Variants in RYR3 observed in about 807,000 individuals in gnomAD.
RYR3 encodes the protein ryanodine receptor 3.
Under a neutral mutation model 584.3 loss-of-function variants are expected in RYR3, and 207 were observed. That is an observed-to-expected ratio of 0.35 (90% CI 0.32 to 0.40). The LOEUF is 0.40. RYR3 is among the 10% of genes least tolerant of loss of function. RYR3 has a pLI of 1.00. For missense variants in RYR3, 5,616 were observed against 6,089.2 expected (o/e 0.92, Z 2.59); for synonymous variants, 2,416 against 2,248.5 (o/e 1.07, Z -2.11).
At chr15:33,340,624 C>T (rs752627189) in intron 1 of RYR3, among the ~76,000 whole-genome samples, 1 of 152,122 alleles carries the variant, frequency 6.6e-6, no homozygotes, top group Non-Finnish European at 1.5e-5. Context: ...CTCATGTGGC[C>T]TTTTCTCTTG....
At chr15:33,354,905 G>A (rs964839208) in intron 1 of RYR3, among the ~76,000 whole-genome samples, 1 of 152,134 alleles carries the variant, frequency 6.6e-6, no homozygotes, top group Non-Finnish European at 1.5e-5. Flanking sequence ...AGTTGGGGCC[G>A]AGTGCAGTGG....
At chr15:33,556,314 A>T (rs1275918940) in intron 10 of RYR3, among the ~76,000 whole-genome samples, 1 of 152,166 alleles carries the variant, frequency 6.6e-6, no homozygotes, top group East Asian at 1.9e-4. Flanking sequence ...ATCTCCAGCC[A>T]TGTTTCTTTT....
At chr15:33,432,694 G>GTGTGTGTGTGTGTGTGTGTA (rs1243653764) in intron 1 of RYR3, among the ~76,000 whole-genome samples, 16 of 149,038 alleles carry the variant, frequency 1.1e-4, no homozygotes, top group African/African-American at 4.0e-4. Flanking sequence ...GTGTGTGTGT[G>GTGTGTGTGTGTGTGTGTGTA]TGTTTAAAGT....
At chr15:33,536,550 C>T (rs1338170161) in intron 5 of RYR3, among the ~76,000 whole-genome samples, 1 of 152,188 alleles carries the variant, frequency 6.6e-6, no homozygotes, top group Non-Finnish European at 1.5e-5. Flanking sequence ...TCCCTGGCTC[C>T]AGAGTGTGGG....
intron 12 of RYR3, among the ~76,000 whole-genome samples, chr15:33,567,660 C>A (rs139345005): frequency 1.9e-4 from 29 of 152,246 alleles, no homozygotes; most frequent in African/African-American, 7.0e-4. Flanking sequence ...GGCTCAGGTT[C>A]CTTCCATCTT....
At chr15:33,759,183 T>C (rs781112561) in intron 60 of RYR3, among the ~76,000 whole-genome samples, 1 of 152,160 alleles carries the variant, frequency 6.6e-6, no homozygotes, top group Non-Finnish European at 1.5e-5. Flanking sequence ...TCCACGAAGA[T>C]GGGGAAAACA....
rs775877802 is a variant in RYR3 at position 33,503,843 on chromosome 15, G to A, written c.279+105G>A. On this transcript the variant is annotated intron_variant, in intron 3 of 103. Coordinates refer to ENST00000634891, the MANE Select transcript of RYR3 (RefSeq NM_001036.6). ...TGAACTGAAAAATTTTAAGACTGTT[G>A]AGATGATTCATATGGAGATAGTAAA... 88 of 693,850 alleles carry A rather than the reference G, an allele frequency of 1.3e-4. 1 individual carries two copies. The highest frequency in any genetic ancestry group is 3.0e-4 in the South Asian group (17 of 57,164). 43.0% of individuals were successfully genotyped at this position (693,850 alleles called of 1,614,324 possible).
intron 18 of RYR3, among the ~76,000 whole-genome samples, chr15:33,608,776 G>A (rs889229485): frequency 3.9e-5 from 6 of 152,200 alleles, no homozygotes; most frequent in Admixed American, 1.3e-4. Flanking sequence ...CAAAGGAAAC[G>A]TCTACGTTGA....
chr15:33,550,343 C>G (rs1167892594), intron 10 of RYR3, 27 bp downstream of exon 10: 1 of 1,597,310 alleles, frequency 6.3e-7, no homozygotes, highest in South Asian at 1.1e-5. Flanking sequence ...TGGACTTTGA[C>G]CCTGTTCTAA....
chr15:33,494,034 A>G (rs1367263585), intron 2 of RYR3, among the ~76,000 whole-genome samples: 1 of 152,180 alleles, frequency 6.6e-6, no homozygotes, highest in Non-Finnish European at 1.5e-5. Context: ...GGATCTGTTG[A>G]TCAATGTCAA....
intron 38 of RYR3, among the ~76,000 whole-genome samples, chr15:33,683,338 A>AAATAG (rs1427226390): frequency 5.9e-5 from 9 of 152,146 alleles, no homozygotes; most frequent in Non-Finnish European, 1.3e-4. Flanking sequence ...TGTAGTCACT[A>AAATAG]AAGGGTAGCA....
At chr15:33,448,906 G>T (rs2046888985) in intron 1 of RYR3, among the ~76,000 whole-genome samples, 1 of 152,112 alleles carries the variant, frequency 6.6e-6, no homozygotes. Flanking sequence ...AGAGAACGTG[G>T]TCACTGATTA....
intron 43 of RYR3, among the ~76,000 whole-genome samples, chr15:33,711,976 G>T (rs1242217675): frequency 6.6e-6 from 1 of 152,192 alleles, no homozygotes. Flanking sequence ...CTGAAACTGG[G>T]TGATTTGTTA....
intron 74 of RYR3, among the ~76,000 whole-genome samples, chr15:33,815,225 C>A (rs1039123161): frequency 6.6e-6 from 1 of 152,132 alleles, no homozygotes; most frequent in East Asian, 1.9e-4. Flanking sequence ...CAGTCATGGG[C>A]GTTAAGGCTG....
At chr15:33,846,124 T>C (rs1174965641) in intron 93 of RYR3, among the ~76,000 whole-genome samples, 1 of 152,234 alleles carries the variant, frequency 6.6e-6, no homozygotes, top group African/African-American at 2.4e-5. Context: ...GAGCATCTCC[T>C]TCTCCACGTG....
intron 103 of RYR3, 83 bp downstream of exon 103, chr15:33,864,272 T>C (rs545633539): frequency 9.4e-7 from 1 of 1,062,372 alleles, no homozygotes; most frequent in African/African-American, 1.6e-5. Flanking sequence ...TTATCTGAAA[T>C]ACATACATGG....
intron 43 of RYR3, among the ~76,000 whole-genome samples, chr15:33,710,455 C>A (rs1486782039): frequency 6.6e-6 from 1 of 151,456 alleles, no homozygotes; most frequent in Non-Finnish European, 1.5e-5. Flanking sequence ...GCAATCCTCC[C>A]TTCTCAGCCT....
intron 1 of RYR3, among the ~76,000 whole-genome samples, chr15:33,467,921 G>A (rs1022259347): frequency 2.0e-5 from 3 of 152,136 alleles, no homozygotes; most frequent in Admixed American, 6.5e-5. Flanking sequence ...GTTTCAATGT[G>A]GTTTGATCAT....
intron 1 of RYR3, among the ~76,000 whole-genome samples, chr15:33,396,293 T>C (rs907127240): frequency 8.5e-5 from 13 of 152,216 alleles, no homozygotes; most frequent in African/African-American, 3.1e-4. Flanking sequence ...ATCCCGTCTG[T>C]GTGAGTGAAG....
Sources: gnomAD v4.1 joint callset for allele counts (sites outside exome capture counted in the v4.1 genomes callset) on GRCh38, gnomAD v4.1.1 for gene constraint, MANE v1.5 for transcripts, NCBI Gene and HGNC (gene_info 2026-07-23, HGNC 2026-07-21) for gene names.